ESRRB: variants seen among roughly 807,000 people sequenced by gnomAD.
ESRRB encodes the protein estrogen related receptor beta.
A neutral mutation model predicts 46.0 loss-of-function variants in ESRRB; 16 were observed. The observed-to-expected ratio is 0.35, with a 90% CI of 0.24 to 0.53. The LOEUF is 0.53. Among genes scored for constraint, ESRRB ranks in the 20% least tolerant of loss-of-function variants. The pLI is 0.93. For missense variants in ESRRB, 488 were observed against 607.4 expected, an observed-to-expected ratio of 0.80 and a Z score of 2.07; for synonymous variants, 246 against 259.6, an observed-to-expected ratio of 0.95 and a Z score of 0.50.
intron 1 of ESRRB, among the ~76,000 whole-genome samples, chr14:76,383,663 T>C (rs1017098090): frequency 2.6e-5 from 4 of 152,130 alleles, no homozygotes; most frequent in Non-Finnish European, 4.4e-5. Flanking sequence ...AGTGTAGGTG[T>C]GTGGTCTGCC....
rs551745525 is a variant in ESRRB at position 76,436,824 on chromosome 14, A to T, written c.51-2517A>T. Among the ~76,000 whole-genome samples the T allele has an allele frequency of 1.1e-4, 17 of 152,172 alleles. No individual in the cohort carries two copies. In the South Asian group the frequency reaches 3.1e-3, roughly 28 times the overall value. ...GGCTTATAGGAGAGTGTCTCCGAGG[A>T]CTCAGGGACATTCCACAGGAAACAG... On this transcript the variant is annotated intron_variant, in intron 1 of 6. Transcript: ENST00000644823.
At chr14:76,348,261 C>T (rs1238153528) in intron 1 of ESRRB, among the ~76,000 whole-genome samples, 2 of 152,124 alleles carry the variant, frequency 1.3e-5, no homozygotes, top group Non-Finnish European at 2.9e-5. Context: ...TAACCTTTCC[C>T]CCAGGCTCAG....
At chr14:76,319,814 CCA>C (rs1883846879) in intron 1 of ESRRB, among the ~76,000 whole-genome samples, 1 of 152,018 alleles carries the variant, frequency 6.6e-6, no homozygotes, top group Non-Finnish European at 1.5e-5. Flanking sequence ...CAAAACAGAG[CCA>C]GTGTTAACCT....
intron 1 of ESRRB, chr14:76,407,508 G>A (rs1341542870): frequency 6.1e-6 from 6 of 983,542 alleles, no homozygotes; most frequent in South Asian, 9.4e-5. Context: ...ATCTAAGTGC[G>A]ATCTTACTCT....
chr14:76,371,743 C>T (rs1245736029), upstream of ESRRB, among the ~76,000 whole-genome samples: 1 of 152,212 alleles, frequency 6.6e-6, no homozygotes, highest in Non-Finnish European at 1.5e-5. Flanking sequence ...GTGGCAGATT[C>T]TCCAAAAATG....
At chr14:76,322,287 C>T (rs547816588) in intron 1 of ESRRB, among the ~76,000 whole-genome samples, 80 of 152,270 alleles carry the variant, frequency 5.3e-4, no homozygotes, top group African/African-American at 1.8e-3. Flanking sequence ...TTTGGAACTG[C>T]TAACAGCCTT....
At chr14:76,442,971 C>T (rs1887984613) in intron 2 of ESRRB, among the ~76,000 whole-genome samples, 2 of 151,788 alleles carry the variant, frequency 1.3e-5, no homozygotes, top group South Asian at 4.2e-4. Context: ...CTGGCCACAA[C>T]ACCTGGCTAA....
chr14:76,442,036 T>TATTTCC (rs1275081395), intron 2 of ESRRB, among the ~76,000 whole-genome samples: 4 of 152,366 alleles, frequency 2.6e-5, no homozygotes, highest in African/African-American at 9.6e-5. Context: ...AGATTGGATA[T>TATTTCC]ATTTCCACTT....
chr14:76,438,105 G>A (rs1430130608), intron 1 of ESRRB, among the ~76,000 whole-genome samples: 3 of 152,066 alleles, frequency 2.0e-5, no homozygotes, highest in Non-Finnish European at 2.9e-5. Flanking sequence ...CTGGCTACTC[G>A]GGGTCTAGGA....
chr14:76,372,980 T>C (rs1178588072), upstream of ESRRB, among the ~76,000 whole-genome samples: 1 of 152,224 alleles, frequency 6.6e-6, no homozygotes, highest in Non-Finnish European at 1.5e-5. Context: ...AATTTACAAA[T>C]TTCCTTTGTC....
chr14:76,317,425 G>A (rs545975220), intron 1 of ESRRB, among the ~76,000 whole-genome samples: 15 of 148,040 alleles, frequency 1.0e-4, no homozygotes, highest in Non-Finnish European at 1.8e-4. Context: ...CTCCTAAGTC[G>A]GTCTCAGGAA....
intron 1 of ESRRB, among the ~76,000 whole-genome samples, chr14:76,325,812 G>A (rs757450944): frequency 1.3e-5 from 2 of 152,198 alleles, no homozygotes; most frequent in Admixed American, 6.5e-5. Flanking sequence ...ATGAGGGCGC[G>A]CTGGCCCGCA....
chr14:76,412,130 T>C (rs2139864617), intron 1 of ESRRB, among the ~76,000 whole-genome samples: 1 of 152,352 alleles, frequency 6.6e-6, no homozygotes, highest in Admixed American at 6.5e-5. Context: ...CCTGGCATTC[T>C]GCTCTGTGCT....
At chr14:76,462,077 C>T (rs1888885590) in intron 2 of ESRRB, among the ~76,000 whole-genome samples, 1 of 152,194 alleles carries the variant, frequency 6.6e-6, no homozygotes, top group Non-Finnish European at 1.5e-5. Context: ...GGATGCAGAA[C>T]CCGGGCCTTG....
intron 1 of ESRRB, among the ~76,000 whole-genome samples, chr14:76,364,605 T>C (rs1884500205): frequency 6.6e-6 from 1 of 151,594 alleles, no homozygotes; most frequent in Admixed American, 6.6e-5. Context: ...GATGGGAAAA[T>C]TGCTTGAACC....
intron 1 of ESRRB, among the ~76,000 whole-genome samples, chr14:76,351,654 T>C (rs184318037): frequency 2.0e-4 from 31 of 152,288 alleles, no homozygotes; most frequent in Admixed American, 4.6e-4. Flanking sequence ...GCCATCAGTA[T>C]ACCACCTTCT....
chr14:76,377,876 C>T (rs898676609), intron 1 of ESRRB, among the ~76,000 whole-genome samples: 1 of 152,304 alleles, frequency 6.6e-6, no homozygotes, highest in East Asian at 1.9e-4. Flanking sequence ...CCCCACTCCA[C>T]CCTGGGGCAG....
At chr14:76,334,162 G>A (rs1291849212) in intron 1 of ESRRB, among the ~76,000 whole-genome samples, 1 of 152,158 alleles carries the variant, frequency 6.6e-6, no homozygotes, top group Non-Finnish European at 1.5e-5. Context: ...AACAGTCCAG[G>A]CAGAAACCAG....
intron 1 of ESRRB, among the ~76,000 whole-genome samples, chr14:76,329,489 A>AGCAGAATTATAGCC (rs1490370181): frequency 6.6e-6 from 1 of 152,182 alleles, no homozygotes; most frequent in African/African-American, 2.4e-5. Context: ...TGCAAACACA[A>AGCAGAATTATAGCC]GCAGAATTAT....
Sources: allele counts gnomAD v4.1 joint callset (sites outside exome capture counted in the v4.1 genomes callset), GRCh38; gene constraint gnomAD v4.1.1; transcripts MANE v1.5; gene names NCBI Gene and HGNC (gene_info 2026-07-23, HGNC 2026-07-21).